PARP14: variants seen among roughly 807,000 people sequenced by gnomAD.
The protein encoded by PARP14 is protein mono-ADP-ribosyltransferase PARP14.
A neutral mutation model predicts 154.2 loss-of-function variants in PARP14; 59 were observed. The ratio of observed to expected loss-of-function variants is 0.38; its 90% CI spans 0.31 to 0.48. The LOEUF (loss-of-function observed/expected upper bound fraction) is 0.48, where lower values mean the gene tolerates loss of function less well. Ranked by LOEUF, PARP14 falls within the 20% of genes least tolerant of loss-of-function variation. PARP14 has a pLI of 0.98. For missense variants in PARP14, 1,734 were observed against 2,131.6 expected, an observed-to-expected ratio of 0.81 and a Z score of 3.67; for synonymous variants, 720 against 780.5, an observed-to-expected ratio of 0.92 and a Z score of 1.29.
Position 122,728,326 on chromosome 3 carries a change from G to T in PARP14, c.5135G>T (p.Gly1712Val). The T allele has an allele frequency of 1.2e-6, 2 of 1,613,076 alleles. No homozygotes were observed. Among genetic ancestry groups the T allele is most frequent in the East Asian group, 2.2e-5 (1 of 44,864 alleles). ...AGKNAVAYGK[G>V]TYFAVNANYS... ...TTCACAGCTGTGGCATATGGAAAGGGAACCTATTTTGCTGTCAATGCCAAT... is the reference window on the plus strand; with the variant it reads ...TTCACAGCTGTGGCATATGGAAAGGTAACCTATTTTGCTGTCAATGCCAAT... The change falls in exon 17 of 17, where the codon GGA (glycine) becomes GTA (valine). Residue 1712 changes from glycine (G) to valine (V), a missense_variant. This residue lies in a region of PARP14 where 88 missense variants were observed against 155.6 expected (regional missense o/e 0.57). Transcript: ENST00000474629.
At chr3:122,682,034 C>G (rs1338632466) in intron 1 of PARP14, among the ~76,000 whole-genome samples, 7 of 152,062 alleles carry the variant, frequency 4.6e-5, no homozygotes, top group Non-Finnish European at 8.8e-5. Flanking sequence ...AATTAGAGTG[C>G]CCAAGCAGGG....
chr3:122,720,257 G>A lies in PARP14; in HGVS notation c.4810G>A (p.Asp1604Asn). The change falls in exon 15 of 17, where the codon GAC (aspartate) becomes AAC (asparagine). Residue 1604 changes from aspartate (D) to asparagine (N), a missense_variant and splice_region_variant. Transcript: ENST00000474629. Reference protein sequence around the residue: ...SVQRLTKSKVDIPAHWSDMKQ... With the variant: ...SVQRLTKSKVNIPAHWSDMKQ... ...ATCCTCAAATGTCTCCTTTGCAGTTGACATCCCTGCACACTGGAGTGATAT... is the reference window on the plus strand; with the variant it reads ...ATCCTCAAATGTCTCCTTTGCAGTTAACATCCCTGCACACTGGAGTGATAT... 2.5e-6 allele frequency: 4 copies of A among 1,612,868 alleles called. 1 individual carries two copies. In the South Asian group the frequency reaches 4.4e-5, roughly 18 times the overall value.
chr3:122,697,040 C>G (rs539350890), intron 5 of PARP14, among the ~76,000 whole-genome samples: 1 of 152,176 alleles, frequency 6.6e-6, no homozygotes, highest in East Asian at 1.9e-4. Context: ...CAGCATCAGC[C>G]TCCCCAGGCT....
chr3:122,713,288 G>C, intron 9 of PARP14, 136 bp from the exon 10 acceptor site: 1 of 613,570 alleles, frequency 1.6e-6, no homozygotes, highest in Non-Finnish European at 2.8e-6. Flanking sequence ...CTGAGGAGCA[G>C]GGCCAGGTTA....
Position 122,713,945 on chromosome 3 carries a change from T to C in PARP14, c.3832+11T>C. 16 of 1,607,428 alleles carry C rather than the reference T, an allele frequency of 1.0e-5. No homozygotes were observed. The highest frequency in any genetic ancestry group is 1.4e-5 in the Non-Finnish European group (16 of 1,174,018). ...AATGTTCTCAGCAAGGTAAGGCATATTCTATTTTTTGGTCCTAAGTTGTAA... is the reference window on the plus strand; with the variant it reads ...AATGTTCTCAGCAAGGTAAGGCATACTCTATTTTTTGGTCCTAAGTTGTAA... On this transcript the variant is annotated intron_variant, in intron 11 of 16. Transcript: ENST00000474629.
At chr3:122,692,265 T>G in intron 3 of PARP14, 36 bp from the exon 4 acceptor site, 1 of 1,582,436 alleles carries the variant, frequency 6.3e-7, no homozygotes, top group South Asian at 1.2e-5. Context: ...TAGATAAGTA[T>G]AACATCTTGT....
chr3:122,695,810 T>A (rs1366170498), intron 5 of PARP14, 148 bp downstream of exon 5: 3 of 586,162 alleles, frequency 5.1e-6, no homozygotes. Context: ...ATCTGCGATA[T>A]GATGCTTAAT....
chr3:122,693,709 C>T (rs372786977), intron 4 of PARP14, among the ~76,000 whole-genome samples: 165 of 151,934 alleles, frequency 1.1e-3, no homozygotes, highest in African/African-American at 3.6e-3. Flanking sequence ...GGCATGGTGG[C>T]GCACACCCGT....
At chr3:122,726,865 G>T (rs757537357) in intron 15 of PARP14, among the ~76,000 whole-genome samples, 4 of 137,104 alleles carry the variant, frequency 2.9e-5, no homozygotes, top group Non-Finnish European at 3.1e-5. Context: ...TAGAAATTTA[G>T]CCGTAGGTAA....
At chr3:122,687,778 AG>A (rs1938417426) in intron 3 of PARP14, among the ~76,000 whole-genome samples, 1 of 152,266 alleles carries the variant, frequency 6.6e-6, no homozygotes. Flanking sequence ...GCTATTATAA[AG>A]GGTAGGAAGT....
At position 122,720,265 on chromosome 3, in the gene PARP14, T is replaced by C. The variant is rs1348397348; in HGVS notation, c.4818T>C (p.Pro1606=). Reference sequence around the variant, plus strand: ...ATGTCTCCTTTGCAGTTGACATCCCTGCACACTGGAGTGATATGAAGCAGC... The same window carrying C: ...ATGTCTCCTTTGCAGTTGACATCCCCGCACACTGGAGTGATATGAAGCAGC... The part of the protein sequence containing the change: ...QRLTKSKVDI[P]AHWSDMKQQN... The change falls in exon 15 of 17, where the codon CCT becomes CCC. Residue 1606 remains proline (P), a synonymous_variant. Coordinates refer to ENST00000474629, the MANE Select transcript of PARP14 (RefSeq NM_017554.3). The C allele has an allele frequency of 5.6e-6, 9 of 1,613,148 alleles. No individual in the cohort carries two copies. Among genetic ancestry groups the C allele is most frequent in the Non-Finnish European group, 1.7e-6 (2 of 1,179,614 alleles).
chr3:122,706,338 C>T (rs545334498), intron 8 of PARP14, among the ~76,000 whole-genome samples: 13 of 152,196 alleles, frequency 8.5e-5, no homozygotes, highest in African/African-American at 2.2e-4. Context: ...CAAAGCTTAT[C>T]GAGATGTTTA....
chr3:122,707,040 T>C (rs917849032), intron 8 of PARP14, among the ~76,000 whole-genome samples: 7 of 152,214 alleles, frequency 4.6e-5, no homozygotes, highest in Non-Finnish European at 8.8e-5. Flanking sequence ...TTCATGTTCA[T>C]TGTAGAAACT....
At position 122,704,622 on chromosome 3, in the gene PARP14, A is replaced by G. The variant is rs1414316432; in HGVS notation, c.3414A>G (p.Gly1138=). Residue 1138 remains glycine (G), a synonymous_variant, in exon 8 of 17, where the codon GGA becomes GGG. Transcript: ENST00000474629. ...AFPAIGTGNL[G]FPKNIFAELI... ...CAGCAATAGGAACAGGAAACTTGGG[A>G]TTTCCTAAAAACATATTCGCTGAAT... 6 of 1,605,892 alleles carry G rather than the reference A, an allele frequency of 3.7e-6. No individual in the cohort carries two copies. Among genetic ancestry groups the G allele is most frequent in the Non-Finnish European group, 5.1e-6 (6 of 1,175,158 alleles).
chr3:122,724,302 CTT>C (rs35510761), intron 15 of PARP14, among the ~76,000 whole-genome samples: 88,856 of 145,778 alleles, frequency 0.61, 27,585 homozygotes, highest in Non-Finnish European at 0.71. Flanking sequence ...TTTATGTTTT[CTT>C]TTTTTTTTTT....
Position 122,701,331 on chromosome 3 carries a change from T to A in PARP14, c.2777T>A (p.Phe926Tyr), listed in dbSNP as rs777856448. 6.2e-7 allele frequency: 1 copy of A among 1,614,030 alleles called. No individual in the cohort carries two copies. The highest frequency in any genetic ancestry group is 8.5e-7 in the Non-Finnish European group (1 of 1,179,892). Residue 926 changes from phenylalanine (F) to tyrosine (Y), a missense_variant, in exon 6 of 17, where the codon TTT becomes TAT. Transcript: ENST00000474629. The surrounding 1 kb of genome is among the most constrained non-coding windows in gnomAD (Gnocchi z 4.0). ...IAIPAISSGV[F>Y]GFPLGRCVET... ...ATCCCAGCTATTAGTTCTGGAGTCTTTGGCTTTCCCTTAGGCCGATGCGTG... is the reference window on the plus strand; with the variant it reads ...ATCCCAGCTATTAGTTCTGGAGTCTATGGCTTTCCCTTAGGCCGATGCGTG...
At chr3:122,704,884 T>C in intron 8 of PARP14, 136 bp downstream of exon 8, 2 of 608,968 alleles carry the variant, frequency 3.3e-6, no homozygotes, top group Non-Finnish European at 5.8e-6. Context: ...ATACTTGTAG[T>C]TGTAGTTGTA....
intron 7 of PARP14, 88 bp downstream of exon 7, chr3:122,704,066 C>T: frequency 3.6e-6 from 3 of 840,600 alleles, no homozygotes; most frequent in Non-Finnish European, 5.9e-6. Context: ...TAGATTGGGC[C>T]TTGTCTGTTT....
intron 9 of PARP14, among the ~76,000 whole-genome samples, chr3:122,709,280 C>T (rs1308306332): frequency 1.3e-5 from 2 of 152,188 alleles, no homozygotes; most frequent in East Asian, 3.9e-4. Flanking sequence ...GCTTAGCTTT[C>T]ACTTATAAGT....
Sources: allele counts gnomAD v4.1 joint callset (sites outside exome capture counted in the v4.1 genomes callset), GRCh38; gene constraint gnomAD v4.1.1; regional missense constraint gnomAD v4.1.1; non-coding constraint Gnocchi (gnomAD v3.1); transcripts MANE v1.5; gene names NCBI Gene and HGNC (gene_info 2026-07-23, HGNC 2026-07-21).